ZSCAN25: variants seen among roughly 807,000 people sequenced by gnomAD.
ZSCAN25 encodes the protein zinc finger and SCAN domain-containing protein 25.
Under a neutral mutation model 38.7 loss-of-function variants are expected in ZSCAN25, and 27 were observed. The observed-to-expected ratio is 0.70, with a 90% CI of 0.51 to 0.96. ZSCAN25 has a LOEUF of 0.96. Among genes scored for constraint, ZSCAN25 ranks in the 40% least tolerant of loss-of-function variants. The pLI is 0.00. For synonymous variants in ZSCAN25, 273 were observed against 277.7 expected (o/e 0.98, Z 0.17); for missense variants, 637 against 705.9 (o/e 0.90, Z 1.11).
At chr7:99,727,278 T>C in the ZSCAN25 span, among the ~76,000 whole-genome samples, 1 of 152,246 alleles carries the variant, frequency 6.6e-6, no homozygotes. Context: ...CTGGTCATCA[T>C]GTCTCTGTGC....
At chr7:99,620,793 A>G (rs1454794597) in intron 4 of ZSCAN25, 2 of 152,230 alleles carry the variant, frequency 1.3e-5, no homozygotes, top group African/African-American at 4.8e-5. Context: ...GGGTCAGTCA[A>G]CAGCCTAGGC....
chr7:99,717,779 C>T, the ZSCAN25 span: 1 of 1,118,948 alleles, frequency 8.9e-7, no homozygotes. Flanking sequence ...ATGACAGATG[C>T]TCAATAGGAT....
chr7:99,686,774 T>G, the ZSCAN25 span, among the ~76,000 whole-genome samples: 1 of 152,076 alleles, frequency 6.6e-6, no homozygotes, highest in Non-Finnish European at 1.5e-5. Flanking sequence ...AGGGGCAGAC[T>G]GACACCTCAC....
At chr7:99,656,608 G>A in the ZSCAN25 span, among the ~76,000 whole-genome samples, 2 of 152,176 alleles carry the variant, frequency 1.3e-5, no homozygotes, top group Non-Finnish European at 2.9e-5. Context: ...AATGAGTTAG[G>A]GAGGATTCCC....
At chr7:99,669,975 C>T in the ZSCAN25 span, among the ~76,000 whole-genome samples, 1 of 152,236 alleles carries the variant, frequency 6.6e-6, no homozygotes, top group African/African-American at 2.4e-5. Flanking sequence ...TCCATGTGCA[C>T]AAGCTTTAAA....
At position 99,620,197 on chromosome 7, in the gene ZSCAN25, G is replaced by T. The variant is rs1806828988; in HGVS notation, c.387+204G>T. ...CAGGGGAGATGCTGCCATGCAGAAG[G>T]GCCTGAAGCCTCTGTTTGGTCATGA... On this transcript the variant is annotated intron_variant, in intron 4 of 7. Coordinates refer to ENST00000394152, the MANE Select transcript of ZSCAN25 (RefSeq NM_145115.3). 4.2e-6 allele frequency: 3 copies of T among 719,196 alleles called. No homozygotes were observed. The Middle Eastern group carries it at 1.2e-3, about 287-fold the overall frequency. 44.6% of individuals were successfully genotyped at this position (719,196 alleles called of 1,614,324 possible).
the ZSCAN25 span, among the ~76,000 whole-genome samples, chr7:99,687,237 G>A: frequency 2.6e-5 from 4 of 152,182 alleles, no homozygotes; most frequent in Admixed American, 6.5e-5. Context: ...GCTACAGGAG[G>A]AACTTCAAAC....
chr7:99,709,023 G>A, the ZSCAN25 span: 6 of 1,613,724 alleles, frequency 3.7e-6, no homozygotes, highest in South Asian at 5.5e-5. Flanking sequence ...TCCCTTCCCA[G>A]GGGCCTCCTA....
downstream of ZSCAN25, among the ~76,000 whole-genome samples, chr7:99,632,658 G>A (rs1293283381): frequency 6.6e-6 from 1 of 152,134 alleles, no homozygotes; most frequent in African/African-American, 2.4e-5. Flanking sequence ...GGCATGGGTG[G>A]TGCATGCCTG....
At chr7:99,714,811 C>T in the ZSCAN25 span, 1 of 1,470,992 alleles carries the variant, frequency 6.8e-7, no homozygotes, top group Non-Finnish European at 9.1e-7. Context: ...GAAGCCATTC[C>T]TTCTATGACT....
chr7:99,716,686 G>A, the ZSCAN25 span, among the ~76,000 whole-genome samples: 1 of 152,044 alleles, frequency 6.6e-6, no homozygotes, highest in African/African-American at 2.4e-5. Context: ...CTCTCTTTGA[G>A]ACTGGAGGAA....
At chr7:99,676,643 C>T in the ZSCAN25 span, 1 of 924,124 alleles carries the variant, frequency 1.1e-6, no homozygotes, top group Non-Finnish European at 1.6e-6. Flanking sequence ...TCACTGTATG[C>T]ACTCAATCAC....
intron 4 of ZSCAN25, chr7:99,621,097 C>T (rs997519611): frequency 2.4e-5 from 7 of 286,212 alleles, no homozygotes; most frequent in Non-Finnish European, 3.8e-5. Context: ...TTAAAATCCT[C>T]AGCAGGATAA....
chr7:99,618,995 C>T (rs1290484482), intron 2 of ZSCAN25, 53 bp from the exon 3 acceptor site: 1 of 152,334 alleles, frequency 6.6e-6, no homozygotes, highest in Admixed American at 6.5e-5. Flanking sequence ...GAAAAGCCTT[C>T]TTCAAGTCAG....
At chr7:99,624,311 C>A in intron 7 of ZSCAN25, 131 bp downstream of exon 7, 1 of 1,136,704 alleles carries the variant, frequency 8.8e-7, no homozygotes, top group Non-Finnish European at 1.3e-6. Flanking sequence ...GGGTCCAGCA[C>A]GGACCATGGG....
At chr7:99,685,224 T>C in the ZSCAN25 span, 1 of 1,613,686 alleles carries the variant, frequency 6.2e-7, no homozygotes, top group Middle Eastern at 1.7e-4. Flanking sequence ...CTAAGCGTAA[T>C]TTCAGCGGGA....
intron 5 of ZSCAN25, chr7:99,622,346 C>T (rs1294975582): frequency 1.6e-6 from 1 of 608,454 alleles, no homozygotes; most frequent in Non-Finnish European, 2.9e-6. Flanking sequence ...ACAGGAGACA[C>T]CCAGGCCCCA....
chr7:99,699,633 T>C, the ZSCAN25 span, among the ~76,000 whole-genome samples: 1 of 152,186 alleles, frequency 6.6e-6, no homozygotes, highest in African/African-American at 2.4e-5. Context: ...ACTTCTCGTC[T>C]TGTTCAGCAG....
At chr7:99,728,194 G>A in the ZSCAN25 span, among the ~76,000 whole-genome samples, 97 of 152,194 alleles carry the variant, frequency 6.4e-4, no homozygotes, top group African/African-American at 2.2e-3. Flanking sequence ...AGTCTCACAG[G>A]CCCATTCTAT....
Sources: gnomAD v4.1 joint callset for allele counts (sites outside exome capture counted in the v4.1 genomes callset) on GRCh38, gnomAD v4.1.1 for gene constraint, MANE v1.5 for transcripts, NCBI Gene and HGNC (gene_info 2026-07-23, HGNC 2026-07-21) for gene names.